Variants in CTNNA1 observed in about 807,000 individuals in gnomAD.
The protein encoded by CTNNA1 is catenin alpha-1.
Under a neutral mutation model 98.4 loss-of-function variants are expected in CTNNA1, and 37 were observed. The observed-to-expected ratio is 0.38, with a 90% CI of 0.29 to 0.49. The LOEUF (loss-of-function observed/expected upper bound fraction) is 0.49, where lower values mean the gene tolerates loss of function less well. CTNNA1 is among the 20% of genes least tolerant of loss of function. The pLI is 0.95. For synonymous variants in CTNNA1, 404 were observed against 413.2 expected (o/e 0.98, Z 0.27); for missense variants, 761 against 1,147.2 (o/e 0.66, Z 4.86).
At chr5:138,922,105 T>TA (rs1763035694) in intron 11 of CTNNA1, among the ~76,000 whole-genome samples, 1 of 152,196 alleles carries the variant, frequency 6.6e-6, no homozygotes. Flanking sequence ...GCTCTATTGC[T>TA]ACACGTTGTA....
chr5:138,787,392 TG>T (rs1755825352), intron 3 of CTNNA1, among the ~76,000 whole-genome samples: 1 of 151,976 alleles, frequency 6.6e-6, no homozygotes, highest in African/African-American at 2.4e-5. Context: ...CACTCCAGCC[TG>T]GGTGACAGAG....
chr5:138,900,236 C>A (rs904607667), intron 9 of CTNNA1, among the ~76,000 whole-genome samples: 5 of 152,146 alleles, frequency 3.3e-5, no homozygotes, highest in Non-Finnish European at 7.3e-5. Flanking sequence ...GCTAGCTTGG[C>A]CCAGGGGCAC....
intron 7 of CTNNA1, among the ~76,000 whole-genome samples, chr5:138,836,583 C>T (rs1335527913): frequency 6.6e-6 from 1 of 152,136 alleles, no homozygotes; most frequent in African/African-American, 2.4e-5. Flanking sequence ...CAGAAAGATG[C>T]ATGTTTATGT....
chr5:138,806,784 G>A (rs1290993770), intron 3 of CTNNA1, among the ~76,000 whole-genome samples: 2 of 151,706 alleles, frequency 1.3e-5, no homozygotes, highest in Admixed American at 6.6e-5. Context: ...TAATATACAA[G>A]CCTTATTGTA....
intron 1 of CTNNA1, among the ~76,000 whole-genome samples, chr5:138,765,021 C>T (rs771569187): frequency 1.5e-4 from 23 of 151,752 alleles, no homozygotes; most frequent in Non-Finnish European, 2.8e-4. Flanking sequence ...TTACAGGTGC[C>T]TGCCACCATG....
In CTNNA1 at chr5:138,909,668, CTA is replaced by C. The variant is rs200288404; in HGVS notation, c.1389+5228_1389+5229del. 4.6e-5 allele frequency among the ~76,000 whole-genome samples: 7 copies of C among 152,254 alleles called. No individual in the cohort carries two copies. In the East Asian group the frequency reaches 1.4e-3, roughly 29 times the overall value. On this transcript the variant is annotated intron_variant, in intron 10 of 17. Transcript: ENST00000302763. ...TTTTTCTTTTGGTATTTCTCACTCA[CTA>C]AATTGAGAAGTTACTTCTGAAATTG...
At position 138,753,430 on chromosome 5, in the gene CTNNA1, C is replaced by T. The variant is rs540261568; in HGVS notation, c.-83C>T. On this transcript the variant is annotated 5_prime_UTR_variant, in exon 1 of 18. Coordinates refer to ENST00000302763, the MANE Select transcript of CTNNA1 (RefSeq NM_001903.5). The stretch of plus-strand genomic sequence containing the variant: ...GGCGTGGGGCGGCCCATTTCCTCCT[C>T]CTAGCCGGACTGGAGGGAGACAAAG... 2.7e-5 allele frequency: 10 copies of T among 372,162 alleles called. No homozygotes were observed. Among genetic ancestry groups the T allele is most frequent in the Non-Finnish European group, 4.8e-5 (10 of 209,168 alleles). The allele number at this position is 372,162 out of a possible 1,614,324, so 23.1% of individuals were successfully genotyped here. A position where few individuals can be genotyped will look rare whatever the true frequency, so the allele number is the denominator to read the frequency against.
intron 1 of CTNNA1, among the ~76,000 whole-genome samples, chr5:138,758,909 T>A (rs898399162): frequency 6.6e-6 from 1 of 152,090 alleles, no homozygotes; most frequent in Non-Finnish European, 1.5e-5. Flanking sequence ...CTTTAAGCGA[T>A]TCTCCTGCCT....
chr5:138,795,437 G>A (rs1267286281), intron 3 of CTNNA1, among the ~76,000 whole-genome samples: 3 of 151,604 alleles, frequency 2.0e-5, no homozygotes, highest in African/African-American at 7.3e-5. Context: ...CAGCCTGGGC[G>A]ACAGCGAGAC....
chr5:138,864,338 A>T (rs1276772932), intron 7 of CTNNA1, among the ~76,000 whole-genome samples: 2 of 152,162 alleles, frequency 1.3e-5, no homozygotes, highest in Non-Finnish European at 2.9e-5. Flanking sequence ...AGCAATTGGG[A>T]AAGTTACAAA....
intron 1 of CTNNA1, chr5:138,754,825 A>G (rs1326819507): frequency 6.6e-6 from 1 of 152,122 alleles, no homozygotes; most frequent in East Asian, 1.9e-4. Flanking sequence ...TGACACGATC[A>G]TGACTCACTG....
intron 7 of CTNNA1, among the ~76,000 whole-genome samples, chr5:138,829,950 A>C (rs1417555760): frequency 6.6e-6 from 1 of 151,900 alleles, no homozygotes; most frequent in African/African-American, 2.4e-5. Context: ...GCAGATCACA[A>C]GGTCAGGAGA....
At chr5:138,849,493 T>G (rs1309009655) in intron 7 of CTNNA1, among the ~76,000 whole-genome samples, 1 of 152,244 alleles carries the variant, frequency 6.6e-6, no homozygotes, top group Non-Finnish European at 1.5e-5. Context: ...TCTCTTTCCC[T>G]TTCATGTTAT....
intron 10 of CTNNA1, among the ~76,000 whole-genome samples, chr5:138,910,804 G>A (rs1760445804): frequency 6.6e-6 from 1 of 152,164 alleles, no homozygotes; most frequent in Admixed American, 6.6e-5. Flanking sequence ...AAGCTTGGAG[G>A]AAGGAGATCA....
chr5:138,758,564 A>G (rs761885486), intron 1 of CTNNA1, among the ~76,000 whole-genome samples: 1 of 151,750 alleles, frequency 6.6e-6, no homozygotes, highest in Non-Finnish European at 1.5e-5. Flanking sequence ...TTTAGTAGAG[A>G]TGGCATTTCA....
At chr5:138,814,113 A>G (rs1220019327) in intron 5 of CTNNA1, among the ~76,000 whole-genome samples, 1 of 152,148 alleles carries the variant, frequency 6.6e-6, no homozygotes, top group Non-Finnish European at 1.5e-5. Context: ...ATAATAGTTT[A>G]TTGCTTATAT....
chr5:138,913,967 C>T (rs765340928), intron 10 of CTNNA1, among the ~76,000 whole-genome samples: 6 of 152,190 alleles, frequency 3.9e-5, no homozygotes, highest in Admixed American at 2.6e-4. Flanking sequence ...CCCCCCACCT[C>T]GGCCTCCCAG....
intron 1 of CTNNA1, among the ~76,000 whole-genome samples, chr5:138,764,438 G>GA (rs890430102): frequency 3.1e-4 from 47 of 151,428 alleles, no homozygotes; most frequent in African/African-American, 9.4e-4. Context: ...CCTTGGGAGG[G>GA]AAAAAAAAGT....
chr5:138,887,459 TA>T, intron 8 of CTNNA1, 30 bp from the exon 9 acceptor site: 1 of 1,543,626 alleles, frequency 6.5e-7, no homozygotes, highest in Non-Finnish European at 8.8e-7. Flanking sequence ...TTGGTAGAAA[TA>T]AAATCAAATT....
Sources: allele counts gnomAD v4.1 joint callset (sites outside exome capture counted in the v4.1 genomes callset), GRCh38; gene constraint gnomAD v4.1.1; transcripts MANE v1.5; gene names NCBI Gene and HGNC (gene_info 2026-07-23, HGNC 2026-07-21).